OSBP2: variants seen among roughly 807,000 people sequenced by gnomAD.
OSBP2 encodes oxysterol-binding protein 2.
In OSBP2, 66 loss-of-function variants were observed where a neutral mutation model predicts 96.0. The ratio of observed to expected loss-of-function variants is 0.69; its 90% CI spans 0.56 to 0.84. The LOEUF (loss-of-function observed/expected upper bound fraction) is 0.84. Ranked by LOEUF, OSBP2 falls within the 40% of genes least tolerant of loss-of-function variation. The pLI, the probability that OSBP2 is intolerant of heterozygous loss-of-function variation, is 0.00. For synonymous variants in OSBP2, 525 were observed against 520.9 expected, an observed-to-expected ratio of 1.01 and a Z score of -0.11; for missense variants, 1,038 against 1,222.7, an observed-to-expected ratio of 0.85 and a Z score of 2.25.
At chr22:30,829,536 G>C (rs569812554) in intron 2 of OSBP2, among the ~76,000 whole-genome samples, 3 of 152,146 alleles carry the variant, frequency 2.0e-5, no homozygotes, top group Admixed American at 6.5e-5. Context: ...CAAATGGTCT[G>C]CCTGCCAAAG....
At chr22:30,720,169 AC>A (rs2089525620) in intron 1 of OSBP2, among the ~76,000 whole-genome samples, 1 of 152,166 alleles carries the variant, frequency 6.6e-6, no homozygotes, top group African/African-American at 2.4e-5. Context: ...TCTCAGTGTT[AC>A]TGTGTATTAT....
intron 2 of OSBP2, among the ~76,000 whole-genome samples, chr22:30,858,908 A>ATAC (rs1457521402): frequency 6.6e-6 from 1 of 150,716 alleles, no homozygotes; most frequent in East Asian, 1.9e-4. Context: ...AATAATAATA[A>ATAC]TAATAAAAGC....
intron 2 of OSBP2, among the ~76,000 whole-genome samples, chr22:30,851,398 G>A (rs747840774): frequency 1.3e-5 from 2 of 152,106 alleles, no homozygotes; most frequent in Non-Finnish European, 2.9e-5. Context: ...GTTGTTCATT[G>A]CTAGTATTTC....
intron 2 of OSBP2, among the ~76,000 whole-genome samples, chr22:30,830,410 G>A (rs527812131): frequency 6.6e-6 from 1 of 152,350 alleles, no homozygotes; most frequent in South Asian, 2.1e-4. Flanking sequence ...GCTGCCTGCC[G>A]CATCCTGACC....
chr22:30,772,443 A>T (rs1274905126), intron 2 of OSBP2, among the ~76,000 whole-genome samples: 5 of 152,226 alleles, frequency 3.3e-5, no homozygotes, highest in African/African-American at 4.8e-5. Flanking sequence ...GAAGCAGGGA[A>T]GCCAGGCTGG....
At chr22:30,887,762 GT>G in intron 4 of OSBP2, 144 bp downstream of exon 4, 1 of 655,998 alleles carries the variant, frequency 1.5e-6, no homozygotes, top group Non-Finnish European at 2.6e-6. Context: ...CCTCTTCGTG[GT>G]TTTGTATCTC....
intron 2 of OSBP2, among the ~76,000 whole-genome samples, chr22:30,783,065 CTTT>C (rs567123014): frequency 5.7e-4 from 59 of 104,122 alleles, no homozygotes; most frequent in South Asian, 2.9e-3. Flanking sequence ...GAACCTGTGG[CTTT>C]TTTTTTTTTT....
At chr22:30,802,336 G>A (rs1259276219) in intron 2 of OSBP2, among the ~76,000 whole-genome samples, 3 of 152,260 alleles carry the variant, frequency 2.0e-5, no homozygotes, top group Non-Finnish European at 4.4e-5. Context: ...CTGGGAGAGG[G>A]AATTGGATTC....
intron 1 of OSBP2, chr22:30,731,774 C>G (rs2089783300): frequency 6.5e-6 from 1 of 154,050 alleles, no homozygotes; most frequent in Non-Finnish European, 1.5e-5. Flanking sequence ...TGGTGCTGGC[C>G]CACTGGGGTT....
chr22:30,859,586 C>T (rs2039164990), intron 2 of OSBP2, among the ~76,000 whole-genome samples: 1 of 152,214 alleles, frequency 6.6e-6, no homozygotes, highest in African/African-American at 2.4e-5. Flanking sequence ...GGGCAGCACC[C>T]TTCCACATGC....
intron 2 of OSBP2, among the ~76,000 whole-genome samples, chr22:30,787,139 C>T (rs1187581844): frequency 6.6e-6 from 1 of 152,082 alleles, no homozygotes; most frequent in Non-Finnish European, 1.5e-5. Flanking sequence ...TGTGTTAGTC[C>T]GTTCTCACAC....
chr22:30,875,205 C>G (rs550921189), intron 3 of OSBP2, among the ~76,000 whole-genome samples: 1 of 152,144 alleles, frequency 6.6e-6, no homozygotes. Context: ...CCGAGGTCAC[C>G]CCTGCACCCC....
intron 3 of OSBP2, 39 bp from the exon 4 acceptor site, chr22:30,887,387 A>G (rs968828570): frequency 6.4e-7 from 1 of 1,565,046 alleles, no homozygotes; most frequent in Non-Finnish European, 8.8e-7. Context: ...GGCCCCTGCC[A>G]GAGGCCAGGG....
chr22:30,717,112 G>T lies in OSBP2; in HGVS notation c.644+21559G>T, dbSNP rs1353784939. ...TTTTTGTGTGTGTGTGTGTGTGTGTGTGTGTGTGTGTGTGTGTGTGTAGAG... is the reference window on the plus strand; with the variant it reads ...TTTTTGTGTGTGTGTGTGTGTGTGTTTGTGTGTGTGTGTGTGTGTGTAGAG... On this transcript the variant is annotated intron_variant, in intron 1 of 13. Transcript: ENST00000332585. 9.3e-4 allele frequency among the ~76,000 whole-genome samples: 136 copies of T among 145,610 alleles called. 2 individuals carry two copies. Among genetic ancestry groups the T allele is most frequent in the Middle Eastern group, 7.1e-3 (2 of 280 alleles).
intron 2 of OSBP2, among the ~76,000 whole-genome samples, chr22:30,800,564 G>A (rs1377190215): frequency 6.6e-6 from 1 of 152,216 alleles, no homozygotes; most frequent in African/African-American, 2.4e-5. Context: ...CAGGTTGGGG[G>A]TGGTTTACTC....
chr22:30,786,166 C>T (rs1215606478), intron 2 of OSBP2, among the ~76,000 whole-genome samples: 4 of 152,090 alleles, frequency 2.6e-5, no homozygotes, highest in South Asian at 2.1e-4. Flanking sequence ...GGATTACAGG[C>T]GTGTGCCACC....
intron 2 of OSBP2, among the ~76,000 whole-genome samples, chr22:30,746,014 A>G (rs1319325522): frequency 6.6e-6 from 1 of 152,234 alleles, no homozygotes; most frequent in Non-Finnish European, 1.5e-5. Context: ...GAAATAAAAT[A>G]TCTTAGCAGA....
At chr22:30,872,390 T>A (rs961374976) in intron 3 of OSBP2, 16 of 456,360 alleles carry the variant, frequency 3.5e-5, no homozygotes, top group African/African-American at 2.4e-4. Context: ...AGTTTTGGCT[T>A]TTCCGAGATA....
rs756809624 is a variant in OSBP2 at position 30,893,506 on chromosome 22, G to T, written c.2034G>T (p.Val678=). ...LEFQASGNHY[V]WRKSTSTVHN... ...TCCAGGCCAGTGGGAATCACTACGT[G>T]TGGAGGAAGAGCACCTCAACTGTTC... The change falls in exon 10 of 14, where the codon GTG becomes GTT. Residue 678 remains valine, a synonymous_variant. Transcript: ENST00000332585. The T allele has an allele frequency of 6.2e-7, 1 of 1,614,212 alleles. No individual in the cohort carries two copies. Among genetic ancestry groups the T allele is most frequent in the Admixed American group, 1.7e-5 (1 of 60,028 alleles).
Sources: allele counts gnomAD v4.1 joint callset (sites outside exome capture counted in the v4.1 genomes callset), GRCh38; gene constraint gnomAD v4.1.1; transcripts MANE v1.5; gene names NCBI Gene and HGNC (gene_info 2026-07-23, HGNC 2026-07-21).